The following MTCL1 variants were observed in gnomAD, a reference collection of about 807,000 sequenced individuals.
The protein encoded by MTCL1 is microtubule crosslinking factor 1.
Under a neutral mutation model 141.4 loss-of-function variants are expected in MTCL1, and 79 were observed. The observed-to-expected ratio is 0.56, with a 90% confidence interval of 0.47 to 0.67. The LOEUF is 0.67. Among genes scored for constraint, MTCL1 ranks in the 30% least tolerant of loss-of-function variants. The probability of loss-of-function intolerance (pLI) is 0.00; values close to 1 mark genes in which losing one functional copy is unlikely to be tolerated. For synonymous variants in MTCL1, 914 were observed against 875.8 expected (o/e 1.04, Z -0.77); for missense variants, 2,177 against 2,113.9 (o/e 1.03, Z -0.59).
chr18:8,780,718 A>G (rs761229924), intron 5 of MTCL1, among the ~76,000 whole-genome samples: 8 of 152,224 alleles, frequency 5.3e-5, no homozygotes, highest in African/African-American at 9.7e-5. Context: ...AGACCTGTCT[A>G]TGTATTTGGA....
chr18:8,784,424 G>A (rs752830379), exon 6 of MTCL1: 6 of 1,528,318 alleles, frequency 3.9e-6, no homozygotes, highest in South Asian at 1.3e-5. Context: ...GGAGGCCAGC[G>A]AGCCATGCCC....
intron 11 of MTCL1, chr18:8,812,763 C>T: frequency 1.9e-6 from 1 of 539,234 alleles, no homozygotes. Context: ...GGAAGCTGGC[C>T]ATGGGAAGCT....
chr18:8,783,483 T>C (rs1317031653), intron 5 of MTCL1, 47 bp from the exon 5 acceptor site: 2 of 1,492,398 alleles, frequency 1.3e-6, no homozygotes, highest in Admixed American at 2.3e-5. Flanking sequence ...ACACGAACAT[T>C]TGGTATTTTC....
At chr18:8,739,205 A>G (rs1477030965) in intron 4 of MTCL1, among the ~76,000 whole-genome samples, 1 of 152,162 alleles carries the variant, frequency 6.6e-6, no homozygotes, top group Non-Finnish European at 1.5e-5. Context: ...TGATGATACC[A>G]CTGCACTCCA....
intron 12 of MTCL1, among the ~76,000 whole-genome samples, chr18:8,817,595 A>T (rs1479680197): frequency 6.6e-6 from 1 of 152,158 alleles, no homozygotes; most frequent in East Asian, 1.9e-4. Flanking sequence ...CAACTTGTGG[A>T]TGAATGCTCC....
chr18:8,784,650 G>A (rs1335977377), exon 6 of MTCL1: 2 of 1,613,978 alleles, frequency 1.2e-6, no homozygotes, highest in Non-Finnish European at 1.7e-6. Flanking sequence ...CAGCTGCTGG[G>A]GACCATCAAC....
At chr18:8,756,218 C>T (rs920183041) in intron 4 of MTCL1, among the ~76,000 whole-genome samples, 1 of 152,116 alleles carries the variant, frequency 6.6e-6, no homozygotes, top group Non-Finnish European at 1.5e-5. Context: ...TTCTGGAGGT[C>T]GTCAGACCAT....
intron 4 of MTCL1, among the ~76,000 whole-genome samples, chr18:8,742,948 T>C (rs894105985): frequency 1.3e-5 from 2 of 152,238 alleles, no homozygotes; most frequent in African/African-American, 4.8e-5. Flanking sequence ...ACTTTCACTT[T>C]GAGGTTGGCA....
chr18:8,762,839 G>A (rs921026747), intron 4 of MTCL1, among the ~76,000 whole-genome samples: 2 of 152,200 alleles, frequency 1.3e-5, no homozygotes, highest in Admixed American at 6.5e-5. Context: ...AGGAGGAGAT[G>A]AGCGTGAGAG....
chr18:8,725,138 C>T (rs1460795653), intron 4 of MTCL1, among the ~76,000 whole-genome samples: 6 of 151,998 alleles, frequency 3.9e-5, no homozygotes, highest in Non-Finnish European at 7.4e-5. Flanking sequence ...AGTTCTATTA[C>T]GTGCTAGACA....
chr18:8,733,170 C>A (rs951164050), intron 4 of MTCL1, among the ~76,000 whole-genome samples: 4 of 152,182 alleles, frequency 2.6e-5, no homozygotes, highest in African/African-American at 9.7e-5. Context: ...CGCAGGGCAG[C>A]CCTCGGGACT....
chr18:8,722,849 T>C (rs964605268), intron 4 of MTCL1, among the ~76,000 whole-genome samples: 2 of 152,240 alleles, frequency 1.3e-5, no homozygotes, highest in African/African-American at 4.8e-5. Context: ...AACATAAATA[T>C]ATATTTTAAG....
upstream of MTCL1, among the ~76,000 whole-genome samples, chr18:8,712,428 G>A (rs1441063001): frequency 2.0e-5 from 3 of 152,304 alleles, no homozygotes; most frequent in Admixed American, 6.5e-5. Context: ...CCCAGATGCC[G>A]GGTGCTCAGT....
exon 8 of MTCL1, chr18:8,793,069 G>A (rs764257291): frequency 9.3e-6 from 15 of 1,613,996 alleles, no homozygotes; most frequent in South Asian, 4.4e-5. Flanking sequence ...TCGTGCAGGC[G>A]GCCAGACTGC....
chr18:8,761,730 A>G (rs2096433583), intron 4 of MTCL1, among the ~76,000 whole-genome samples: 1 of 151,924 alleles, frequency 6.6e-6, no homozygotes, highest in Non-Finnish European at 1.5e-5. Flanking sequence ...GGCAGACAAG[A>G]GAAGAGAGCT....
At position 8,705,769 on chromosome 18, in the gene MTCL1, CG is replaced by C; in HGVS notation, c.111del (p.Leu38CysfsTer149). On this transcript the variant is annotated frameshift_variant, in exon 1 of 14. Coordinates refer to the MTCL1 transcript ENST00000306329. LOFTEE classifies it high-confidence loss of function. The surrounding 1 kb of genome is among the most constrained non-coding windows in gnomAD (Gnocchi z 5.2). ...CCTCCACCCGGTGGCCGAAAGGCGGCGGCTGCACCGTGCGCCCTCGCCCGCC... is the reference window on the plus strand; with the variant it reads ...CCTCCACCCGGTGGCCGAAAGGCGGCGCTGCACCGTGCGCCCTCGCCCGCC... 1 of 1,199,732 alleles carries C rather than the reference CG, an allele frequency of 8.3e-7. No homozygotes were observed. The highest frequency in any genetic ancestry group is 1.0e-6 in the Non-Finnish European group (1 of 966,752). The allele number at this position is 1,199,732 out of a possible 1,614,324, so 74.3% of individuals were successfully genotyped here.
intron 10 of MTCL1, among the ~76,000 whole-genome samples, chr18:8,805,121 A>ATATATATATATATATAG (rs1555667527): frequency 6.6e-6 from 1 of 150,766 alleles, no homozygotes; most frequent in Non-Finnish European, 1.5e-5. Context: ...ATATATATAG[A>ATATATATATATATATAG]ATTTTAGGTT....
At chr18:8,785,546 C>A in intron 6 of MTCL1, 1 of 232,716 alleles carries the variant, frequency 4.3e-6, no homozygotes, top group Non-Finnish European at 8.4e-6. Context: ...GGCTGCTCGA[C>A]CCACAAGTAA....
At chr18:8,706,373 C>G (rs2096058444) in exon 1 of MTCL1, 1 of 1,229,630 alleles carries the variant, frequency 8.1e-7, no homozygotes, top group African/African-American at 1.6e-5. Context: ...GAATCCGGCA[C>G]GGGCTCCAGC....
Sources: gnomAD v4.1 joint callset for allele counts (sites outside exome capture counted in the v4.1 genomes callset) on GRCh38, gnomAD v4.1.1 for gene constraint, Gnocchi (gnomAD v3.1) non-coding constraint, MANE v1.5 for transcripts, NCBI Gene and HGNC (gene_info 2026-07-23, HGNC 2026-07-21) for gene names.